PDE10A: variants seen among roughly 807,000 people sequenced by gnomAD.
PDE10A encodes cAMP and cAMP-inhibited cGMP 3',5'-cyclic phosphodiesterase 10A.
A neutral mutation model predicts 97.7 loss-of-function variants in PDE10A; 39 were observed. The observed-to-expected ratio is 0.40, with a 90% confidence interval of 0.31 to 0.52. The LOEUF is 0.52. Ranked by LOEUF, PDE10A falls within the 20% of genes least tolerant of loss-of-function variation. The pLI is 0.56. For synonymous variants in PDE10A, 371 were observed against 376.8 expected, an observed-to-expected ratio of 0.98 and a Z score of 0.18; for missense variants, 731 against 1,047.8, an observed-to-expected ratio of 0.70 and a Z score of 4.17.
chr6:165,599,860 G>A (rs911078813), intron 1 of PDE10A, among the ~76,000 whole-genome samples: 16 of 152,036 alleles, frequency 1.1e-4, no homozygotes, highest in African/African-American at 2.9e-4. Context: ...ACACAGACTC[G>A]CCTAGGAACG....
At chr6:165,580,100 G>T (rs1445664353) in intron 1 of PDE10A, among the ~76,000 whole-genome samples, 1 of 152,186 alleles carries the variant, frequency 6.6e-6, no homozygotes, top group Non-Finnish European at 1.5e-5. Context: ...CACAAGGACA[G>T]GGCTCTTCCG....
intron 1 of PDE10A, among the ~76,000 whole-genome samples, chr6:165,778,825 T>A (rs1216852404): frequency 2.6e-5 from 4 of 152,230 alleles, no homozygotes; most frequent in African/African-American, 9.6e-5. Context: ...CTTGCTTGTA[T>A]TTGTTGCCCA....
At chr6:165,855,478 A>AGGG (rs1226454749) in intron 1 of PDE10A, among the ~76,000 whole-genome samples, 1 of 151,352 alleles carries the variant, frequency 6.6e-6, no homozygotes, top group Non-Finnish European at 1.5e-5. Flanking sequence ...GCCCCCTAAC[A>AGGG]GTCATTGGCC....
chr6:165,754,269 GCTTACTAAGTGACTGTGGAGCAGAA>G (rs1370603950), intron 1 of PDE10A: 3 of 152,180 alleles, frequency 2.0e-5, no homozygotes, highest in African/African-American at 7.2e-5. Context: ...CACAGTAGGT[GCTTACTAAGTGACTGTGGAGCAGAA>G]CTTCTAATAT....
chr6:165,573,475 T>C (rs565762655), intron 1 of PDE10A, among the ~76,000 whole-genome samples: 1 of 152,262 alleles, frequency 6.6e-6, no homozygotes, highest in African/African-American at 2.4e-5. Flanking sequence ...GCTTTCCCCC[T>C]CCTCATAGAT....
chr6:165,937,367 T>A lies in PDE10A; in HGVS notation c.-615+50162A>T, dbSNP rs147396324. Among the ~76,000 whole-genome samples, 1,052 of 152,356 alleles carry A rather than the reference T, an allele frequency of 6.9e-3. 15 individuals carry two copies. Among genetic ancestry groups the A allele is most frequent in the African/African-American group, 0.022 (925 of 41,588 alleles). On this transcript the variant is annotated intron_variant, in intron 1 of 19. Coordinates refer to the PDE10A transcript ENST00000366882. Reference sequence around the variant, plus strand: ...CTTCTTCTATTCAGCTTCTATTAATTCTCAGAGTAACTTTTCTCCTAAGTC... The same window carrying A: ...CTTCTTCTATTCAGCTTCTATTAATACTCAGAGTAACTTTTCTCCTAAGTC...
At chr6:165,417,102 G>A (rs1788372132) in intron 11 of PDE10A, among the ~76,000 whole-genome samples, 2 of 152,018 alleles carry the variant, frequency 1.3e-5, no homozygotes, top group Admixed American at 1.3e-4. Flanking sequence ...AACATTATAG[G>A]AAATCACCAT....
chr6:165,987,513 A>G (rs1308308857), intron 1 of PDE10A: 7 of 360,716 alleles, frequency 1.9e-5, no homozygotes, highest in Non-Finnish European at 3.8e-5. Context: ...AATAGGTAAA[A>G]GAACTGTCAA....
chr6:165,392,513 C>A, intron 16 of PDE10A, 133 bp downstream of exon 16: 1 of 685,022 alleles, frequency 1.5e-6, no homozygotes. Flanking sequence ...TAAAAATGGG[C>A]TACTATTGAT....
At chr6:165,398,539 T>C (rs911358666) in intron 13 of PDE10A, among the ~76,000 whole-genome samples, 2 of 152,068 alleles carry the variant, frequency 1.3e-5, no homozygotes, top group Non-Finnish European at 2.9e-5. Context: ...TCTTAAACAT[T>C]ACACTTATAT....
At chr6:165,465,066 T>A (rs562516554) in intron 3 of PDE10A, among the ~76,000 whole-genome samples, 37 of 152,370 alleles carry the variant, frequency 2.4e-4, no homozygotes, top group African/African-American at 7.0e-4. Context: ...TATGTTTAAC[T>A]TTACAAGAAG....
chr6:165,741,238 T>A (rs1040879892), intron 1 of PDE10A, among the ~76,000 whole-genome samples: 4 of 152,154 alleles, frequency 2.6e-5, no homozygotes, highest in African/African-American at 4.8e-5. Flanking sequence ...ATTTTGTACA[T>A]CTTAAATATA....
intron 1 of PDE10A, among the ~76,000 whole-genome samples, chr6:165,732,159 C>T (rs1187292240): frequency 6.6e-6 from 1 of 152,184 alleles, no homozygotes; most frequent in East Asian, 1.9e-4. Context: ...TTAAAGCTGG[C>T]TTTCTTACGA....
chr6:165,965,774 A>G (rs1476872972), intron 1 of PDE10A, among the ~76,000 whole-genome samples: 1 of 152,194 alleles, frequency 6.6e-6, no homozygotes, highest in Non-Finnish European at 1.5e-5. Context: ...TGACTTTTCA[A>G]TACTCTCCAC....
chr6:165,522,738 A>G (rs1583460969), intron 2 of PDE10A, among the ~76,000 whole-genome samples: 1 of 152,146 alleles, frequency 6.6e-6, no homozygotes, highest in East Asian at 1.9e-4. Flanking sequence ...CACTCTTATC[A>G]CTCTTATTTA....
intron 1 of PDE10A, among the ~76,000 whole-genome samples, chr6:165,568,226 G>A (rs559307309): frequency 2.0e-5 from 3 of 151,908 alleles, no homozygotes; most frequent in African/African-American, 7.3e-5. Context: ...GTCTAGATCT[G>A]CTGACCTCAT....
At chr6:165,556,046 C>T (rs985349079) in intron 1 of PDE10A, among the ~76,000 whole-genome samples, 10 of 152,132 alleles carry the variant, frequency 6.6e-5, no homozygotes, top group Admixed American at 1.3e-4. Flanking sequence ...AGAAAAAAAT[C>T]AGGTATGCCA....
rs575855310 is a variant in PDE10A, at chr6:165,414,567, G to A, written c.1890-880C>T. Among the ~76,000 whole-genome samples the A allele has an allele frequency of 3.9e-5, 6 of 152,230 alleles. No individual in the cohort carries two copies. The South Asian group carries it at 1.0e-3, about 26-fold the overall frequency. ...ATCGTATTTTGTTCATTCATTCCCA[G>A]TTAATGGACAATATTATTTTTAATA... On this transcript the variant is annotated intron_variant, in intron 12 of 21. Coordinates refer to ENST00000539869, the MANE Select transcript of PDE10A (RefSeq NM_001385079.1).
intron 6 of PDE10A, among the ~76,000 whole-genome samples, chr6:165,434,016 C>CAA (rs759945561): frequency 0.038 from 2,005 of 52,568 alleles, 224 homozygotes; most frequent in African/African-American, 0.14. Context: ...GACTCCGTCT[C>CAA]AAAAAAAAAA....
Sources: gnomAD v4.1 joint callset for allele counts (sites outside exome capture counted in the v4.1 genomes callset) on GRCh38, gnomAD v4.1.1 for gene constraint, MANE v1.5 for transcripts, NCBI Gene and HGNC (gene_info 2026-07-23, HGNC 2026-07-21) for gene names.